GPM6A: variants seen among roughly 807,000 people sequenced by gnomAD.
The protein encoded by GPM6A is neuronal membrane glycoprotein M6-a.
A neutral mutation model predicts 32.1 loss-of-function variants in GPM6A; 7 were observed. The ratio of observed to expected loss-of-function variants is 0.22; its 90% CI spans 0.12 to 0.41. GPM6A has a LOEUF of 0.41. GPM6A is among the 10% of genes least tolerant of loss of function. GPM6A has a pLI of 1.00. For missense variants in GPM6A, 235 were observed against 347.2 expected (o/e 0.68, Z 2.57); for synonymous variants, 130 against 123.4 (o/e 1.05, Z -0.35).
intron 2 of GPM6A, among the ~76,000 whole-genome samples, chr4:175,692,235 A>G (rs573707474): frequency 2.6e-5 from 4 of 152,282 alleles, no homozygotes; most frequent in African/African-American, 9.6e-5. Context: ...CTCAGTCTAG[A>G]TTTCTTCCCT....
chr4:175,846,169 GAGAA>G (rs2111393831), intron 1 of GPM6A, among the ~76,000 whole-genome samples: 1 of 152,112 alleles, frequency 6.6e-6, no homozygotes, highest in Non-Finnish European at 1.5e-5. Flanking sequence ...TTGAAAACAA[GAGAA>G]AGAAACTATT....
At chr4:175,803,574 T>C (rs941874626) in intron 1 of GPM6A, among the ~76,000 whole-genome samples, 3 of 152,130 alleles carry the variant, frequency 2.0e-5, no homozygotes, top group African/African-American at 4.8e-5. Flanking sequence ...TAGTCTTTAT[T>C]ACATCTAACT....
chr4:175,687,442 G>A (rs1384509461), intron 2 of GPM6A, among the ~76,000 whole-genome samples: 2 of 151,248 alleles, frequency 1.3e-5, no homozygotes, highest in African/African-American at 4.9e-5. Context: ...TTCTGTGACT[G>A]GCTTATTTTA....
At chr4:175,900,510 A>T (rs1408071359) in intron 1 of GPM6A, among the ~76,000 whole-genome samples, 2 of 147,442 alleles carry the variant, frequency 1.4e-5, no homozygotes, top group Non-Finnish European at 3.0e-5. Context: ...AAAAAAAAGC[A>T]TATGAAAAAG....
At chr4:175,956,077 G>C (rs983667548) in intron 1 of GPM6A, among the ~76,000 whole-genome samples, 3 of 152,108 alleles carry the variant, frequency 2.0e-5, no homozygotes, top group Non-Finnish European at 4.4e-5. Flanking sequence ...TCCATGGATG[G>C]GCGCCATAGT....
chr4:175,644,037 C>CA (rs1277681647), intron 4 of GPM6A, among the ~76,000 whole-genome samples: 8 of 151,928 alleles, frequency 5.3e-5, no homozygotes, highest in Non-Finnish European at 1.0e-4. Flanking sequence ...AAAGATCCAA[C>CA]AGGGTACTTG....
In GPM6A at chr4:175,643,114, C is replaced by T. The variant is rs1263984150; in HGVS notation, c.542-2285G>A. 2.0e-5 allele frequency among the ~76,000 whole-genome samples: 3 copies of T among 152,258 alleles called. No homozygotes were observed. The East Asian group carries it at 5.8e-4, about 29-fold the overall frequency. On this transcript the variant is annotated intron_variant, in intron 4 of 6. Coordinates refer to ENST00000393658, the MANE Select transcript of GPM6A (RefSeq NM_201591.3). ...CCATAATCAGACCGATTCTTCCCAC[C>T]TCCCTTGCCATCTCCTCATCCAAGC...
At chr4:175,866,378 G>C (rs1157411230) in intron 1 of GPM6A, among the ~76,000 whole-genome samples, 1 of 152,136 alleles carries the variant, frequency 6.6e-6, no homozygotes, top group African/African-American at 2.4e-5. Context: ...CCTATCGTTA[G>C]AGTATCATAC....
intron 1 of GPM6A, among the ~76,000 whole-genome samples, chr4:175,778,439 A>G (rs1057226214): frequency 6.6e-6 from 1 of 151,814 alleles, no homozygotes; most frequent in Non-Finnish European, 1.5e-5. Flanking sequence ...ATCCTGGCCA[A>G]CAAGGTGAAG....
At chr4:175,666,047 T>G (rs1386756083) in intron 3 of GPM6A, among the ~76,000 whole-genome samples, 1 of 151,184 alleles carries the variant, frequency 6.6e-6, no homozygotes, top group Non-Finnish European at 1.5e-5. Flanking sequence ...GCTTCCCGAG[T>G]AGCTGGGATT....
chr4:175,826,212 C>T (rs1452705201), intron 1 of GPM6A, among the ~76,000 whole-genome samples: 2 of 151,944 alleles, frequency 1.3e-5, no homozygotes, highest in East Asian at 1.9e-4. Context: ...TCTCAAAAAC[C>T]ATTGGCCACT....
At chr4:175,917,282 A>C (rs1738523668) in intron 1 of GPM6A, among the ~76,000 whole-genome samples, 1 of 151,952 alleles carries the variant, frequency 6.6e-6, no homozygotes, top group African/African-American at 2.4e-5. Context: ...TTAATCTTTA[A>C]GCATCCTGAA....
At chr4:175,993,276 T>C (rs1741206872) in intron 1 of GPM6A, among the ~76,000 whole-genome samples, 2 of 152,208 alleles carry the variant, frequency 1.3e-5, no homozygotes, top group South Asian at 4.2e-4. Flanking sequence ...TTTCAATATC[T>C]GATATAAATG....
chr4:175,667,834 G>GTATA lies in GPM6A; in HGVS notation c.387+5842_387+5845dup, dbSNP rs1341601746. ...ATTTTTTTTAAGTTTTGGCCAAAGAGTATATATCATGACTTGAATAATCTA... is the reference window on the plus strand; with the variant it reads ...ATTTTTTTTAAGTTTTGGCCAAAGAGTATATATATATCATGACTTGAATAATCTA... On this transcript the variant is annotated intron_variant, in intron 3 of 6. Transcript: ENST00000393658. 6.6e-5 allele frequency among the ~76,000 whole-genome samples: 10 copies of GTATA among 152,010 alleles called. 1 individual carries two copies. Among genetic ancestry groups the GTATA allele is most frequent in the African/African-American group, 2.4e-4 (10 of 41,398 alleles).
intron 1 of GPM6A, among the ~76,000 whole-genome samples, chr4:175,794,336 C>T (rs1402230272): frequency 6.6e-6 from 1 of 152,188 alleles, no homozygotes; most frequent in Non-Finnish European, 1.5e-5. Context: ...TTTAGATTTA[C>T]ACATGTGAGT....
Position 175,695,971 on chromosome 4 carries a change from T to C in GPM6A, c.230+5604A>G, listed in dbSNP as rs115713461. 2.9e-4 allele frequency among the ~76,000 whole-genome samples: 44 copies of C among 152,210 alleles called. 1 individual carries two copies. Among genetic ancestry groups the C allele is most frequent in the African/African-American group, 1.1e-3 (44 of 41,552 alleles). ...CTCTGGAGATAGTGAGTGAGTGAGT[T>C]GTTGTGAGATAATTCACAATAACTG... On this transcript the variant is annotated intron_variant, in intron 2 of 6. Transcript: ENST00000393658.
chr4:175,747,552 T>C lies in GPM6A; in HGVS notation c.38-45785A>G, dbSNP rs893552308. Among the ~76,000 whole-genome samples the C allele has an allele frequency of 2.0e-5, 3 of 152,196 alleles. No individual in the cohort carries two copies. The South Asian group carries it at 6.2e-4, about 32-fold the overall frequency. On this transcript the variant is annotated intron_variant, in intron 1 of 6. Transcript: ENST00000393658. ...TGAGTTCTCAGTGAATATGTTATGTTTACACTATCCTGTAGTCTATAAAAT... is the reference window on the plus strand; with the variant it reads ...TGAGTTCTCAGTGAATATGTTATGTCTACACTATCCTGTAGTCTATAAAAT...
At chr4:175,880,561 G>T (rs1253578371) in intron 1 of GPM6A, among the ~76,000 whole-genome samples, 1 of 152,056 alleles carries the variant, frequency 6.6e-6, no homozygotes, top group Admixed American at 6.6e-5. Context: ...CTTTTATTTT[G>T]TTGAGTAGTG....
intron 1 of GPM6A, among the ~76,000 whole-genome samples, chr4:175,965,658 G>A (rs1376158129): frequency 6.6e-6 from 1 of 150,936 alleles, no homozygotes; most frequent in African/African-American, 2.4e-5. Flanking sequence ...CTGTCTCCCA[G>A]GCTGGAGCAC....
Sources: gnomAD v4.1 joint callset for allele counts (sites outside exome capture counted in the v4.1 genomes callset) on GRCh38, gnomAD v4.1.1 for gene constraint, MANE v1.5 for transcripts, NCBI Gene and HGNC (gene_info 2026-07-23, HGNC 2026-07-21) for gene names.